The following TIAM1 variants were observed in gnomAD, a reference collection of about 807,000 sequenced individuals.
The protein encoded by TIAM1 is rho guanine nucleotide exchange factor TIAM1.
A neutral mutation model predicts 163.5 loss-of-function variants in TIAM1; 65 were observed. The ratio of observed to expected loss-of-function variants is 0.40; its 90% CI spans 0.33 to 0.49. The LOEUF (loss-of-function observed/expected upper bound fraction) is 0.49, where lower values mean the gene tolerates loss of function less well. TIAM1 is among the 20% of genes least tolerant of loss of function. The pLI is 0.77. For synonymous variants in TIAM1, 833 were observed against 810.1 expected, an observed-to-expected ratio of 1.03 and a Z score of -0.48; for missense variants, 1,789 against 2,044.7, an observed-to-expected ratio of 0.87 and a Z score of 2.41.
intron 2 of TIAM1, among the ~76,000 whole-genome samples, chr21:31,375,097 A>T (rs540791011): frequency 1.3e-5 from 2 of 152,354 alleles, no homozygotes; most frequent in African/African-American, 4.8e-5. Context: ...CACAGCAGAG[A>T]AATATACCCA....
intron 2 of TIAM1, among the ~76,000 whole-genome samples, chr21:31,445,549 A>T (rs1158126354): frequency 6.6e-6 from 1 of 152,190 alleles, no homozygotes; most frequent in Non-Finnish European, 1.5e-5. Context: ...ATAGGGACAC[A>T]GCTCATTGGT....
intron 2 of TIAM1, among the ~76,000 whole-genome samples, chr21:31,418,767 C>T (rs1337982160): frequency 2.0e-5 from 3 of 152,184 alleles, no homozygotes; most frequent in Non-Finnish European, 4.4e-5. Context: ...AGAAGAAAGT[C>T]GCCCTGAAAA....
At chr21:31,423,437 G>A (rs2043656302) in intron 2 of TIAM1, among the ~76,000 whole-genome samples, 2 of 151,942 alleles carry the variant, frequency 1.3e-5, no homozygotes, top group African/African-American at 2.4e-5. Context: ...GTCAAGAGTA[G>A]CCTACCCTCG....
At chr21:31,288,580 A>G (rs2073902115) in intron 2 of TIAM1, among the ~76,000 whole-genome samples, 1 of 152,314 alleles carries the variant, frequency 6.6e-6, no homozygotes, top group Non-Finnish European at 1.5e-5. Context: ...TATCACATTC[A>G]GGTATTAGGT....
At chr21:31,246,220 A>AC (rs1206558290) in intron 5 of TIAM1, among the ~76,000 whole-genome samples, 1 of 151,598 alleles carries the variant, frequency 6.6e-6, no homozygotes. Context: ...CCATCTATAA[A>AC]CTTTTTTTTT....
chr21:31,377,222 C>G (rs762706249), intron 2 of TIAM1, among the ~76,000 whole-genome samples: 4 of 147,022 alleles, frequency 2.7e-5, no homozygotes, highest in Non-Finnish European at 4.5e-5. Context: ...TTAAGAGATG[C>G]CTTTCTGCAA....
intron 1 of TIAM1, among the ~76,000 whole-genome samples, chr21:31,557,586 T>C (rs1326852401): frequency 6.6e-6 from 1 of 152,072 alleles, no homozygotes; most frequent in African/African-American, 2.4e-5. Flanking sequence ...GCGCACAGGC[T>C]CTAAACCTCT....
intron 3 of TIAM1, among the ~76,000 whole-genome samples, chr21:31,270,362 G>T (rs1395658479): frequency 6.6e-6 from 1 of 152,168 alleles, no homozygotes; most frequent in East Asian, 1.9e-4. Flanking sequence ...CAAAAATTGG[G>T]ATTGACATTG....
chr21:31,195,432 A>G (rs1021488746), intron 12 of TIAM1, 127 bp from the exon 13 acceptor site: 5 of 669,644 alleles, frequency 7.5e-6, no homozygotes, highest in Admixed American at 5.9e-5. Flanking sequence ...CAATCTTATC[A>G]TTAAACGAAA....
chr21:31,216,917 T>A (rs1333589814), intron 9 of TIAM1, among the ~76,000 whole-genome samples: 1 of 152,094 alleles, frequency 6.6e-6, no homozygotes, highest in Non-Finnish European at 1.5e-5. Context: ...GCTTAAAAAG[T>A]CTCTGCATGG....
intron 1 of TIAM1, among the ~76,000 whole-genome samples, chr21:31,508,566 T>C (rs2047110225): frequency 6.6e-6 from 1 of 152,070 alleles, no homozygotes; most frequent in South Asian, 2.1e-4. Flanking sequence ...TAATTTTGTA[T>C]TTTCAGTAGA....
At chr21:31,540,318 G>A (rs1000951186) in intron 1 of TIAM1, among the ~76,000 whole-genome samples, 1 of 151,478 alleles carries the variant, frequency 6.6e-6, no homozygotes. Flanking sequence ...CCAGGAGAAG[G>A]AGGTTGCAGT....
At chr21:31,220,112 G>C (rs1377307425) in intron 8 of TIAM1, among the ~76,000 whole-genome samples, 1 of 152,140 alleles carries the variant, frequency 6.6e-6, no homozygotes, top group Non-Finnish European at 1.5e-5. Flanking sequence ...CATTAACAGT[G>C]ACACATACAT....
At chr21:31,469,623 T>C (rs1177802176) in intron 1 of TIAM1, among the ~76,000 whole-genome samples, 2 of 151,972 alleles carry the variant, frequency 1.3e-5, no homozygotes, top group East Asian at 2.0e-4. Context: ...GGTCAGGAGA[T>C]GGAGACCATC....
At chr21:31,324,136 C>T (rs1009552938) in intron 2 of TIAM1, among the ~76,000 whole-genome samples, 5 of 152,062 alleles carry the variant, frequency 3.3e-5, no homozygotes, top group African/African-American at 1.2e-4. Context: ...CAGTAATGGC[C>T]GCTTGACCCC....
intron 2 of TIAM1, among the ~76,000 whole-genome samples, chr21:31,412,767 G>T (rs922396870): frequency 7.2e-6 from 1 of 138,780 alleles, no homozygotes; most frequent in South Asian, 2.3e-4. Context: ...GGGAAAGAGA[G>T]CAAGACTGTC....
At chr21:31,391,069 T>C (rs1315271454) in intron 2 of TIAM1, among the ~76,000 whole-genome samples, 3 of 152,014 alleles carry the variant, frequency 2.0e-5, no homozygotes, top group Admixed American at 6.6e-5. Context: ...AGGGGCTCTT[T>C]CTTAGTTCTG....
At chr21:31,489,706 A>T (rs2046403069) in intron 1 of TIAM1, among the ~76,000 whole-genome samples, 2 of 151,792 alleles carry the variant, frequency 1.3e-5, no homozygotes, top group South Asian at 4.2e-4. Flanking sequence ...GGTCCTGAAG[A>T]TAAACACTCC....
chr21:31,377,738 G>T (rs151070940), intron 2 of TIAM1, among the ~76,000 whole-genome samples: 1 of 151,856 alleles, frequency 6.6e-6, no homozygotes, highest in African/African-American at 2.4e-5. Context: ...TGAAGATCCC[G>T]CAGGGGTCTT....
Sources: gnomAD v4.1 joint callset for allele counts (sites outside exome capture counted in the v4.1 genomes callset) on GRCh38, gnomAD v4.1.1 for gene constraint, MANE v1.5 for transcripts, NCBI Gene and HGNC (gene_info 2026-07-23, HGNC 2026-07-21) for gene names.